BCL2L1: variants seen among roughly 807,000 people sequenced by gnomAD.
BCL2L1 encodes bcl-2-like protein 1.
A neutral mutation model predicts 18.7 loss-of-function variants in BCL2L1; 1 was observed. The observed-to-expected ratio is 0.05, with a 90% CI of 0.02 to 0.25. The LOEUF is 0.25. Ranked by LOEUF, BCL2L1 falls within the 10% of genes least tolerant of loss-of-function variation. The probability of loss-of-function intolerance (pLI) is 1.00; values close to 1 mark genes in which losing one functional copy is unlikely to be tolerated. For missense variants in BCL2L1, 207 were observed against 304.9 expected, an observed-to-expected ratio of 0.68 and a Z score of 2.39; for synonymous variants, 103 against 122.7, an observed-to-expected ratio of 0.84 and a Z score of 1.06.
intron 2 of BCL2L1, among the ~76,000 whole-genome samples, chr20:31,707,623 A>G (rs2061388422): frequency 6.6e-6 from 1 of 152,116 alleles, no homozygotes; most frequent in Non-Finnish European, 1.5e-5. Context: ...TACTAAAAAA[A>G]CAAAATTAGC....
At chr20:31,723,208 C>A, upstream of BCL2L1, 3 of 897,584 alleles carry the variant, frequency 3.3e-6, no homozygotes, top group Non-Finnish European at 2.7e-6. Context: ...CCAACAAATG[C>A]CGCTGGTTTG....
At chr20:31,698,507 A>G (rs1340735532) in intron 2 of BCL2L1, among the ~76,000 whole-genome samples, 1 of 151,704 alleles carries the variant, frequency 6.6e-6, no homozygotes, top group African/African-American at 2.4e-5. Context: ...AAGTTTTGGG[A>G]TTACAGGCAT....
At chr20:31,687,116 G>C (rs2060971311) in intron 2 of BCL2L1, among the ~76,000 whole-genome samples, 1 of 152,106 alleles carries the variant, frequency 6.6e-6, no homozygotes, top group African/African-American at 2.4e-5. Context: ...TCAGGAGTTT[G>C]AGACCAACCT....
chr20:31,723,581 G>A, upstream of BCL2L1: 1 of 985,096 alleles, frequency 1.0e-6, no homozygotes. Flanking sequence ...CTCCCCCGGG[G>A]GCGCCCCCTA....
At chr20:31,678,794 G>A (rs986735992) in intron 2 of BCL2L1, among the ~76,000 whole-genome samples, 1 of 152,184 alleles carries the variant, frequency 6.6e-6, no homozygotes, top group Non-Finnish European at 1.5e-5. Flanking sequence ...CAAGTCCCAA[G>A]TATTTTCAGC....
Position 31,691,152 on chromosome 20 carries a change from CAAAAAAAAAAAAAA to C in BCL2L1, c.565-25080_565-25067del, listed in dbSNP as rs539012918. Among the ~76,000 whole-genome samples, 30 of 24,848 alleles carry C rather than the reference CAAAAAAAAAAAAAA, an allele frequency of 1.2e-3. 1 individual carries two copies. The highest frequency in any genetic ancestry group is 3.7e-3 in the East Asian group (2 of 536). The allele number at this position is 24,848 out of a possible 152,430, so 16.3% of individuals were successfully genotyped here. A position where few individuals can be genotyped will look rare whatever the true frequency, so the allele number is the denominator to read the frequency against. On this transcript the variant is annotated intron_variant, in intron 2 of 2. Coordinates refer to ENST00000307677, the MANE Select transcript of BCL2L1 (RefSeq NM_138578.3). Reference sequence around the variant, plus strand: ...TGGGCAACAGGGCGAGACTCTGTCTCAAAAAAAAAAAAAAAAAAAAAAAAAAAAAAAAAAAAGAA... The same window carrying C: ...TGGGCAACAGGGCGAGACTCTGTCTCAAAAAAAAAAAAAAAAAAAAAAGAA...
rs1568844428 is a variant in BCL2L1 at position 31,666,098 on chromosome 20, G to C, written c.565-12C>G. 1.2e-6 allele frequency: 2 copies of C among 1,613,916 alleles called. No individual in the cohort carries two copies. Among genetic ancestry groups the C allele is most frequent in the South Asian group, 1.1e-5 (1 of 91,068 alleles). On this transcript the variant is annotated splice_polypyrimidine_tract_variant and intron_variant, in intron 2 of 2. Coordinates refer to ENST00000307677, the MANE Select transcript of BCL2L1 (RefSeq NM_138578.3). ...TCCACAAAAGTATCCTGCAGGGAGA[G>C]AGAAGGAAGGTGCAGTTTTAGTCCT...
intron 2 of BCL2L1, among the ~76,000 whole-genome samples, chr20:31,670,745 G>T (rs2060654881): frequency 6.6e-6 from 1 of 152,212 alleles, no homozygotes; most frequent in Non-Finnish European, 1.5e-5. Context: ...TGCGGAGACA[G>T]CATGAGCAAA....
In BCL2L1 at chr20:31,665,760, G is replaced by T; in HGVS notation, c.*189C>A. 1 of 721,268 alleles carries T rather than the reference G, an allele frequency of 1.4e-6. No homozygotes were observed. Among genetic ancestry groups the T allele is most frequent in the Non-Finnish European group, 2.2e-6 (1 of 448,864 alleles). The allele number at this position is 721,268 out of a possible 1,614,324, so 44.7% of individuals were successfully genotyped here. A position where few individuals can be genotyped will look rare whatever the true frequency, so the allele number is the denominator to read the frequency against. ...CTGAGGCCAAGGGAACTGAGGTGTG[G>T]GGGTCTCACAGAAGTGTGATAAATT... is the stretch of plus-strand genomic sequence containing the variant. On this transcript the variant is annotated 3_prime_UTR_variant, in exon 3 of 3. Transcript: ENST00000307677.
At chr20:31,669,115 G>C (rs1191941079) in intron 2 of BCL2L1, among the ~76,000 whole-genome samples, 1 of 151,856 alleles carries the variant, frequency 6.6e-6, no homozygotes, top group Non-Finnish European at 1.5e-5. Context: ...GACTGTAGTG[G>C]CGCAATCATG....
At chr20:31,723,938 A>G (rs536429682), upstream of BCL2L1, 3,026 of 985,446 alleles carry the variant, frequency 3.1e-3, 5 homozygotes, top group Admixed American at 4.1e-3. Context: ...GGAACTTGCA[A>G]GCTCAGTCAC....
At chr20:31,703,949 C>A (rs2061328979) in intron 2 of BCL2L1, among the ~76,000 whole-genome samples, 1 of 151,358 alleles carries the variant, frequency 6.6e-6, no homozygotes, top group Non-Finnish European at 1.5e-5. Context: ...AGGCCCACGC[C>A]ACCACACCTG....
At chr20:31,713,246 C>T (rs1396058580) in intron 2 of BCL2L1, 5 of 983,200 alleles carry the variant, frequency 5.1e-6, no homozygotes, top group Admixed American at 6.2e-5. Context: ...GGGGTAATGG[C>T]CTGGCAGAAC....
At chr20:31,699,303 G>A (rs1209554094) in intron 2 of BCL2L1, among the ~76,000 whole-genome samples, 3 of 152,232 alleles carry the variant, frequency 2.0e-5, no homozygotes, top group Admixed American at 1.3e-4. Flanking sequence ...CAGGAAGGAA[G>A]GGGTAATGAC....
chr20:31,696,630 G>A (rs948043635), intron 2 of BCL2L1, among the ~76,000 whole-genome samples: 1 of 152,188 alleles, frequency 6.6e-6, no homozygotes, highest in African/African-American at 2.4e-5. Flanking sequence ...TGTCATTAGA[G>A]GCCAGACACT....
rs867501803 is a variant in BCL2L1, at chr20:31,688,227, T to A, written c.565-22141A>T. Among the ~76,000 whole-genome samples the A allele has an allele frequency of 3.3e-5, 5 of 152,070 alleles. No individual in the cohort carries two copies. In the South Asian group the frequency reaches 8.3e-4, roughly 25 times the overall value. On this transcript the variant is annotated intron_variant, in intron 2 of 2. Coordinates refer to ENST00000307677, the MANE Select transcript of BCL2L1 (RefSeq NM_138578.3). The stretch of plus-strand genomic sequence containing the variant: ...GATAGGCTGAGGTGGGTGGATCACC[T>A]GAAGTCTGGAGTTTGAGACCAGCCT...
upstream of BCL2L1, chr20:31,723,385 C>T (rs1393209599): frequency 1.0e-6 from 1 of 985,394 alleles, no homozygotes; most frequent in Admixed American, 6.1e-5. Flanking sequence ...CTCGACGGCC[C>T]CACAGCTGAG....
In BCL2L1 at chr20:31,665,855, T is replaced by G; in HGVS notation, c.*94A>C. On this transcript the variant is annotated 3_prime_UTR_variant, in exon 3 of 3. Coordinates refer to ENST00000307677, the MANE Select transcript of BCL2L1 (RefSeq NM_138578.3). ...GATGGGCAGGTGGGCATGGGCTGCA[T>G]GTAGTGGTTCTCCTGGTGGCAATGG... 6.6e-7 allele frequency: 1 copy of G among 1,516,184 alleles called. No individual in the cohort carries two copies. Among genetic ancestry groups the G allele is most frequent in the Non-Finnish European group, 9.0e-7 (1 of 1,110,980 alleles). The allele number at this position is 1,516,184 out of a possible 1,614,324, so 93.9% of individuals were successfully genotyped here. A position where few individuals can be genotyped will look rare whatever the true frequency, so the allele number is the denominator to read the frequency against.
At chr20:31,704,731 T>C (rs2061343892) in intron 2 of BCL2L1, among the ~76,000 whole-genome samples, 1 of 152,198 alleles carries the variant, frequency 6.6e-6, no homozygotes, top group African/African-American at 2.4e-5. Context: ...GACACAGTGC[T>C]CTCTGGAATG....
Sources: allele counts gnomAD v4.1 joint callset (sites outside exome capture counted in the v4.1 genomes callset), GRCh38; gene constraint gnomAD v4.1.1; transcripts MANE v1.5; gene names NCBI Gene and HGNC (gene_info 2026-07-23, HGNC 2026-07-21).